FAAH2: variants seen among roughly 807,000 people sequenced by gnomAD.
The protein encoded by FAAH2 is fatty acid amide hydrolase 2.
A neutral mutation model predicts 36.9 loss-of-function variants in FAAH2; 60 were observed. The observed-to-expected ratio is 1.63, with a 90% CI of 1.32 to 2.02. The LOEUF (loss-of-function observed/expected upper bound fraction) is 2.02, where lower values mean the gene tolerates loss of function less well. FAAH2 is among the 30% of genes most tolerant of loss of function. FAAH2 has a pLI of 0.00. For missense variants in FAAH2, 689 were observed against 397.5 expected (o/e 1.73, Z -6.23); for synonymous variants, 214 against 143.8 (o/e 1.49, Z -3.49).
chrX:57,446,987 G>C lies in FAAH2; in HGVS notation c.1176G>C (p.Trp392Cys). 1 of 1,210,021 alleles carries C rather than the reference G, an allele frequency of 8.3e-7. No individual in the cohort carries two copies. Among genetic ancestry groups the C allele is most frequent in the Non-Finnish European group, 1.1e-6 (1 of 894,674 alleles). ...GDHGKHVSPL[W>C]ELIKWCLGLS... ...ATGGGAAACATGTCAGTCCTCTGTG[G>C]GAGTTGATCAAATGGTGCCTGGGTC... Residue 392 changes from tryptophan (W) to cysteine (C), a missense_variant, in exon 9 of 11, where the codon TGG (tryptophan) becomes TGC (cysteine). Coordinates refer to ENST00000374900, the MANE Select transcript of FAAH2 (RefSeq NM_174912.4).
chrX:57,372,515 T>C (rs367979952), intron 5 of FAAH2, among the ~76,000 whole-genome samples: 12 of 111,207 alleles, frequency 1.1e-4, no homozygotes, highest in African/African-American at 3.6e-4. Flanking sequence ...TTATTGCTTG[T>C]TTTTTCCAAG....
chrX:57,268,520 C>T, the FAAH2 span, among the ~76,000 whole-genome samples: 54 of 110,899 alleles, frequency 4.9e-4, no homozygotes, highest in Middle Eastern at 4.6e-3. Context: ...ACATGCTCCA[C>T]AGAAAGACCA....
intron 7 of FAAH2, among the ~76,000 whole-genome samples, chrX:57,418,979 G>T (rs774000253): frequency 4.4e-4 from 44 of 100,984 alleles, no homozygotes; most frequent in African/African-American, 1.5e-3. Context: ...TTGGTTTTTT[G>T]TCCTTGTGAT....
At chrX:57,125,876 A>G in the FAAH2 span, among the ~76,000 whole-genome samples, 1 of 112,124 alleles carries the variant, frequency 8.9e-6, no homozygotes, top group South Asian at 3.7e-4. Context: ...AAAAAGAAAA[A>G]AATGTGTTTA....
chrX:57,161,439 T>G, the FAAH2 span, among the ~76,000 whole-genome samples: 1 of 111,264 alleles, frequency 9.0e-6, no homozygotes, highest in Non-Finnish European at 1.9e-5. Context: ...CTTGTTGATC[T>G]GTCTAATGTC....
chrX:57,270,732 C>G, the FAAH2 span, among the ~76,000 whole-genome samples: 2,410 of 109,810 alleles, frequency 0.022, 58 homozygotes, highest in African/African-American at 0.076. Context: ...TGCAAGGGGT[C>G]GGGGAATTTT....
chrX:57,352,036 ACATATATATATG>A (rs1188118292), intron 5 of FAAH2, among the ~76,000 whole-genome samples: 1 of 10,842 alleles, frequency 9.2e-5, no homozygotes, highest in African/African-American at 1.2e-4. Flanking sequence ...ATATATATAT[ACATATATATATG>A]TGTATATATA....
the FAAH2 span, among the ~76,000 whole-genome samples, chrX:57,213,317 C>A: frequency 9.0e-6 from 1 of 111,088 alleles, no homozygotes; most frequent in African/African-American, 3.3e-5. Flanking sequence ...GATTTTTGTT[C>A]TCAATTTCAC....
At chrX:57,266,188 C>A in the FAAH2 span, among the ~76,000 whole-genome samples, 1 of 111,480 alleles carries the variant, frequency 9.0e-6, no homozygotes, top group Admixed American at 9.4e-5. Context: ...TCTTTAGCCA[C>A]CTCCTACAGG....
the FAAH2 span, among the ~76,000 whole-genome samples, chrX:57,192,784 T>C: frequency 8.9e-6 from 1 of 112,017 alleles, no homozygotes; most frequent in African/African-American, 3.2e-5. Flanking sequence ...ATGCCTGTCT[T>C]TACTGCAGTC....
At chrX:57,322,343 A>G (rs574381663) in intron 3 of FAAH2, among the ~76,000 whole-genome samples, 2 of 111,562 alleles carry the variant, frequency 1.8e-5, no homozygotes, top group African/African-American at 6.5e-5. Context: ...CTCTTCTTCC[A>G]TGTAGGATTT....
At chrX:57,211,132 A>T in the FAAH2 span, among the ~76,000 whole-genome samples, 2 of 111,965 alleles carry the variant, frequency 1.8e-5, no homozygotes, top group East Asian at 2.8e-4. Context: ...ATGCTGATAG[A>T]TTGGAAGTCT....
At chrX:57,488,293 G>A (rs1016685871) in intron 10 of FAAH2, among the ~76,000 whole-genome samples, 1 of 111,890 alleles carries the variant, frequency 8.9e-6, no homozygotes, top group African/African-American at 3.2e-5. Context: ...CTCTAGATTA[G>A]TGTGAAATGA....
the FAAH2 span, among the ~76,000 whole-genome samples, chrX:57,265,773 C>T: frequency 1.1e-4 from 12 of 111,820 alleles, no homozygotes; most frequent in Admixed American, 5.6e-4. Flanking sequence ...ATCCTTTGGG[C>T]TTTGGAGAGC....
the FAAH2 span, among the ~76,000 whole-genome samples, chrX:57,201,166 T>C: frequency 1.7e-3 from 183 of 110,299 alleles, 2 homozygotes; most frequent in African/African-American, 5.5e-3. Flanking sequence ...CTCATGCCTG[T>C]AATCCCAGCA....
chrX:57,458,846 C>T (rs1165591400), intron 10 of FAAH2, among the ~76,000 whole-genome samples: 1 of 112,390 alleles, frequency 8.9e-6, no homozygotes, highest in Non-Finnish European at 1.9e-5. Flanking sequence ...CCCTCTTGTG[C>T]CTACACCACC....
chrX:57,167,772 A>G, the FAAH2 span, among the ~76,000 whole-genome samples: 37 of 111,479 alleles, frequency 3.3e-4, no homozygotes, highest in South Asian at 3.8e-4. Flanking sequence ...GAAAAAAAAT[A>G]TATACTAGGT....
chrX:57,338,889 A>G lies in FAAH2; in HGVS notation c.623-2382A>G, dbSNP rs191861343. On this transcript the variant is annotated intron_variant, in intron 4 of 10. Transcript: ENST00000374900. Reference sequence around the variant, plus strand: ...TATTAAACTACCATTGACATTTTTCAGAGAATTAGGAAAAAAAAACCTATT... The same window carrying G: ...TATTAAACTACCATTGACATTTTTCGGAGAATTAGGAAAAAAAAACCTATT... Among the ~76,000 whole-genome samples the G allele has an allele frequency of 1.7e-3, 186 of 111,617 alleles. 1 individual carries two copies. Among genetic ancestry groups the G allele is most frequent in the African/African-American group, 5.8e-3 (178 of 30,679 alleles).
chrX:57,477,820 C>A (rs934580330), intron 10 of FAAH2, among the ~76,000 whole-genome samples: 2 of 111,436 alleles, frequency 1.8e-5, no homozygotes, highest in African/African-American at 6.5e-5. Context: ...GACATGAACT[C>A]ATCCTTTTGA....
Sources: allele counts gnomAD v4.1 joint callset (sites outside exome capture counted in the v4.1 genomes callset), GRCh38; gene constraint gnomAD v4.1.1; transcripts MANE v1.5; gene names NCBI Gene and HGNC (gene_info 2026-07-23, HGNC 2026-07-21).